Variants in MEGF10 observed in about 807,000 individuals in gnomAD.
MEGF10 encodes multiple epidermal growth factor-like domains protein 10.
A neutral mutation model predicts 147.5 loss-of-function variants in MEGF10; 86 were observed. The observed-to-expected ratio is 0.58, with a 90% CI of 0.49 to 0.70. The LOEUF (loss-of-function observed/expected upper bound fraction) is 0.70, where lower values mean the gene tolerates loss of function less well. MEGF10 is among the 30% of genes least tolerant of loss of function. The probability of loss-of-function intolerance (pLI) is 0.00; values close to 1 mark genes in which losing one functional copy is unlikely to be tolerated. For synonymous variants in MEGF10, 478 were observed against 525.5 expected, an observed-to-expected ratio of 0.91 and a Z score of 1.24; for missense variants, 1,329 against 1,487.3, an observed-to-expected ratio of 0.89 and a Z score of 1.75.
At chr5:127,258,819 G>C in the MEGF10 span, among the ~76,000 whole-genome samples, 10 of 152,144 alleles carry the variant, frequency 6.6e-5, no homozygotes, top group South Asian at 8.3e-4. Context: ...GCAGTTTACA[G>C]GTCCTTGATC....
At chr5:127,242,903 T>C in the MEGF10 span, among the ~76,000 whole-genome samples, 5 of 152,320 alleles carry the variant, frequency 3.3e-5, no homozygotes, top group African/African-American at 1.2e-4. Flanking sequence ...TGATAAATTT[T>C]TAGCCACAAG....
chr5:127,290,455 G>A (rs192624249), upstream of MEGF10, among the ~76,000 whole-genome samples: 943 of 152,280 alleles, frequency 6.2e-3, 7 homozygotes, highest in Middle Eastern at 0.02. Context: ...TCTGCCGAGG[G>A]ACTTGCACCC....
the MEGF10 span, among the ~76,000 whole-genome samples, chr5:127,247,452 GA>G: frequency 3.1e-5 from 4 of 128,020 alleles, no homozygotes; most frequent in African/African-American, 6.0e-5. Flanking sequence ...AGAAGAAGAA[GA>G]AGAAGAAGAA....
chr5:127,451,412 A>G (rs1367623036), intron 22 of MEGF10, among the ~76,000 whole-genome samples: 1 of 152,194 alleles, frequency 6.6e-6, no homozygotes, highest in Non-Finnish European at 1.5e-5. Context: ...TGTATTCTAT[A>G]CCATTTTTAT....
chr5:127,460,755 T>G lies in MEGF10; in HGVS notation c.*3437T>G, dbSNP rs981549017. The G allele has an allele frequency of 1.3e-5, 2 of 152,204 alleles. No individual in the cohort carries two copies. The highest frequency in any genetic ancestry group is 2.9e-5 in the Non-Finnish European group (2 of 68,016). 9.4% of individuals were successfully genotyped at this position (152,204 alleles called of 1,614,324 possible). A position where few individuals can be genotyped will look rare whatever the true frequency, so the allele number is the denominator to read the frequency against. On this transcript the variant is annotated 3_prime_UTR_variant, in exon 25 of 25. Coordinates refer to ENST00000503335, the MANE Select transcript of MEGF10 (RefSeq NM_001256545.2). ...AATCAAGTTTTAAGGTTATATTTTT[T>G]AAAATAATGAATTTTCTATCTCTAG...
chr5:127,358,142 G>A (rs542102804), intron 4 of MEGF10, among the ~76,000 whole-genome samples: 1 of 152,236 alleles, frequency 6.6e-6, no homozygotes, highest in African/African-American at 2.4e-5. Flanking sequence ...AAATGCAAAG[G>A]TTCCTGACAA....
chr5:127,423,480 G>T (rs764316716), intron 13 of MEGF10, among the ~76,000 whole-genome samples: 1 of 152,150 alleles, frequency 6.6e-6, no homozygotes, highest in Non-Finnish European at 1.5e-5. Context: ...CTTCTTCTAG[G>T]ACTACTTTAC....
intron 16 of MEGF10, among the ~76,000 whole-genome samples, chr5:127,436,615 T>C (rs1226662869): frequency 6.6e-6 from 1 of 152,234 alleles, no homozygotes; most frequent in African/African-American, 2.4e-5. Flanking sequence ...ATATTGCTCC[T>C]TTAAAAAGTA....
At chr5:127,352,414 C>A (rs572281301) in intron 4 of MEGF10, among the ~76,000 whole-genome samples, 3 of 152,260 alleles carry the variant, frequency 2.0e-5, no homozygotes, top group African/African-American at 7.2e-5. Context: ...GTAATCCTAG[C>A]ATTTTGGGAG....
the MEGF10 span, among the ~76,000 whole-genome samples, chr5:127,265,145 C>A: frequency 1.3e-5 from 2 of 152,144 alleles, no homozygotes; most frequent in African/African-American, 2.4e-5. Context: ...TCAGTTCCCA[C>A]CTATGAGTGA....
At chr5:127,406,882 G>C (rs1372033348) in intron 8 of MEGF10, among the ~76,000 whole-genome samples, 1 of 152,148 alleles carries the variant, frequency 6.6e-6, no homozygotes, top group African/African-American at 2.4e-5. Flanking sequence ...TAGTGCTGCC[G>C]TAGGATCACT....
the MEGF10 span, among the ~76,000 whole-genome samples, chr5:127,269,312 C>T: frequency 0.01 from 1,530 of 152,300 alleles, 24 homozygotes; most frequent in African/African-American, 0.034. Context: ...CGAGTTCAAA[C>T]CCAATGCAAA....
chr5:127,443,341 C>G (rs529904413), intron 19 of MEGF10, among the ~76,000 whole-genome samples: 1 of 152,190 alleles, frequency 6.6e-6, no homozygotes, highest in Non-Finnish European at 1.5e-5. Context: ...GTAATTTTCC[C>G]AAAGTCACAT....
At chr5:127,420,294 C>T in intron 12 of MEGF10, 87 bp downstream of exon 12, 1 of 1,467,758 alleles carries the variant, frequency 6.8e-7, no homozygotes, top group Non-Finnish European at 9.2e-7. Flanking sequence ...TTCCTGACTT[C>T]AAGTGGCTCA....
chr5:127,265,489 T>C, the MEGF10 span, among the ~76,000 whole-genome samples: 1 of 152,116 alleles, frequency 6.6e-6, no homozygotes, highest in South Asian at 2.1e-4. Flanking sequence ...CTTGAGGAAT[T>C]ACCACACTGT....
chr5:127,273,930 T>G, the MEGF10 span, among the ~76,000 whole-genome samples: 4 of 152,328 alleles, frequency 2.6e-5, no homozygotes, highest in Non-Finnish European at 5.9e-5. Context: ...TAAAACTCAT[T>G]TCTTTGTTCA....
chr5:127,280,064 A>G, the MEGF10 span, among the ~76,000 whole-genome samples: 1 of 152,202 alleles, frequency 6.6e-6, no homozygotes, highest in Non-Finnish European at 1.5e-5. Flanking sequence ...TATTAAAATA[A>G]TATCCACTGT....
intron 4 of MEGF10, among the ~76,000 whole-genome samples, chr5:127,366,006 G>T (rs1319602786): frequency 6.6e-6 from 1 of 152,004 alleles, no homozygotes; most frequent in African/African-American, 2.4e-5. Flanking sequence ...TCATTTTGGG[G>T]TTTTCTACAT....
At chr5:127,274,873 T>C in the MEGF10 span, among the ~76,000 whole-genome samples, 2 of 152,214 alleles carry the variant, frequency 1.3e-5, no homozygotes, top group Non-Finnish European at 2.9e-5. Flanking sequence ...CATTTTTTTC[T>C]AGAAAAGCCC....
Sources: allele counts gnomAD v4.1 joint callset (sites outside exome capture counted in the v4.1 genomes callset), GRCh38; gene constraint gnomAD v4.1.1; transcripts MANE v1.5; gene names NCBI Gene and HGNC (gene_info 2026-07-23, HGNC 2026-07-21).